Variants in WDR64 observed in about 807,000 individuals in gnomAD.
The protein encoded by WDR64 is WD repeat-containing protein 64.
A neutral mutation model predicts 139.3 loss-of-function variants in WDR64; 112 were observed. The observed-to-expected ratio is 0.80, with a 90% CI of 0.69 to 0.94. The LOEUF (loss-of-function observed/expected upper bound fraction) is 0.94, where lower values mean the gene tolerates loss of function less well. Ranked by LOEUF, WDR64 falls within the 40% of genes least tolerant of loss-of-function variation. The pLI is 0.00. For missense variants in WDR64, 1,206 were observed against 1,293.1 expected, an observed-to-expected ratio of 0.93 and a Z score of 1.03; for synonymous variants, 444 against 437.7, an observed-to-expected ratio of 1.01 and a Z score of -0.18.
chr1:241,787,430 C>T (rs371214390), intron 23 of WDR64, among the ~76,000 whole-genome samples: 127 of 151,322 alleles, frequency 8.4e-4, no homozygotes, highest in African/African-American at 3.0e-3. Context: ...TTTGGGAGGC[C>T]AAGGCGGGCA....
chr1:241,669,812 T>C (rs1666154342), intron 2 of WDR64, among the ~76,000 whole-genome samples: 1 of 152,212 alleles, frequency 6.6e-6, no homozygotes, highest in Admixed American at 6.5e-5. Flanking sequence ...CTGGTTTTGA[T>C]TTATTTCCAG....
intron 9 of WDR64, among the ~76,000 whole-genome samples, chr1:241,714,005 G>T (rs1668303360): frequency 6.6e-6 from 1 of 152,192 alleles, no homozygotes; most frequent in Non-Finnish European, 1.5e-5. Context: ...AAGCTCAATT[G>T]TGAACTTAAA....
At chr1:241,657,309 T>TTGC (rs1665644735) in intron 1 of WDR64, among the ~76,000 whole-genome samples, 1 of 152,154 alleles carries the variant, frequency 6.6e-6, no homozygotes, top group Non-Finnish European at 1.5e-5. Context: ...TCTGGCCTCC[T>TTGC]AGCAGCAGCA....
chr1:241,765,296 T>C (rs189715223), intron 15 of WDR64, among the ~76,000 whole-genome samples: 11 of 152,234 alleles, frequency 7.2e-5, no homozygotes, highest in Admixed American at 3.3e-4. Context: ...TATATAAGCC[T>C]GAAGCTTGTA....
chr1:241,774,785 G>A (rs531378480), intron 20 of WDR64, among the ~76,000 whole-genome samples: 7 of 152,154 alleles, frequency 4.6e-5, no homozygotes, highest in South Asian at 2.1e-4. Flanking sequence ...ATATGTAATC[G>A]GAAAGAAAGT....
intron 14 of WDR64, among the ~76,000 whole-genome samples, chr1:241,756,489 T>C (rs1670197548): frequency 6.6e-6 from 1 of 152,198 alleles, no homozygotes; most frequent in African/African-American, 2.4e-5. Context: ...TAGAATCGTG[T>C]CATCTGCAAA....
At chr1:241,657,703 C>T (rs934750917) in intron 1 of WDR64, among the ~76,000 whole-genome samples, 1 of 152,186 alleles carries the variant, frequency 6.6e-6, no homozygotes, top group African/African-American at 2.4e-5. Context: ...ACAATTTTAT[C>T]ACAGCTCCCT....
chr1:241,759,747 A>G (rs1670354540), intron 15 of WDR64, among the ~76,000 whole-genome samples: 1 of 152,118 alleles, frequency 6.6e-6, no homozygotes, highest in African/African-American at 2.4e-5. Context: ...TTTACCACTT[A>G]GACTATTTTT....
intron 22 of WDR64, among the ~76,000 whole-genome samples, chr1:241,781,604 C>T (rs1384272353): frequency 1.9e-5 from 2 of 103,668 alleles, no homozygotes; most frequent in Admixed American, 8.6e-5. Flanking sequence ...AAAGATAAGT[C>T]GAAACCTCTC....
intron 17 of WDR64, 77 bp downstream of exon 17, chr1:241,769,582 T>C (rs751202817): frequency 8.0e-5 from 101 of 1,264,670 alleles, no homozygotes; most frequent in Admixed American, 1.9e-4. Flanking sequence ...GCAAAATTAA[T>C]TGTGGTTTTT....
intron 11 of WDR64, among the ~76,000 whole-genome samples, chr1:241,740,707 G>A (rs904321820): frequency 4.7e-5 from 7 of 150,248 alleles, no homozygotes; most frequent in East Asian, 2.0e-4. Context: ...TCGCTCTGTC[G>A]CCCAGGCTAG....
chr1:241,722,008 C>G (rs1488598242), intron 9 of WDR64, among the ~76,000 whole-genome samples: 4 of 141,612 alleles, frequency 2.8e-5, no homozygotes, highest in Non-Finnish European at 6.1e-5. Flanking sequence ...GAAAATGCAG[C>G]CAGTTTTTTC....
intron 9 of WDR64, among the ~76,000 whole-genome samples, chr1:241,716,151 C>A (rs1473483611): frequency 1.3e-5 from 2 of 152,072 alleles, no homozygotes; most frequent in Non-Finnish European, 2.9e-5. Flanking sequence ...CTCAGCCAAG[C>A]ACCATTGCTA....
intron 1 of WDR64, among the ~76,000 whole-genome samples, chr1:241,654,486 C>G (rs1665496600): frequency 6.6e-6 from 1 of 152,218 alleles, no homozygotes; most frequent in Non-Finnish European, 1.5e-5. Flanking sequence ...TAGATTAACA[C>G]TGTTAGCTGC....
At chr1:241,755,523 G>A (rs1187831606) in intron 14 of WDR64, among the ~76,000 whole-genome samples, 3 of 152,148 alleles carry the variant, frequency 2.0e-5, no homozygotes, top group Non-Finnish European at 4.4e-5. Flanking sequence ...TGTTCACTCT[G>A]ATGATAGTTT....
intron 8 of WDR64, among the ~76,000 whole-genome samples, chr1:241,704,363 T>G (rs1428350402): frequency 6.6e-6 from 1 of 152,230 alleles, no homozygotes; most frequent in Non-Finnish European, 1.5e-5. Context: ...AATATTATCA[T>G]GATAGATTTC....
At chr1:241,680,182 G>T (rs1471647628) in intron 6 of WDR64, among the ~76,000 whole-genome samples, 1 of 152,120 alleles carries the variant, frequency 6.6e-6, no homozygotes. Context: ...GGGGACTCAG[G>T]GAGGGTGAGA....
intron 6 of WDR64, among the ~76,000 whole-genome samples, chr1:241,680,106 T>G (rs12069748): frequency 0.6 from 91,887 of 151,918 alleles, 29,313 homozygotes; most frequent in Non-Finnish European, 0.72. Flanking sequence ...CAAAACTCAG[T>G]CTTGAAGTTC....
At chr1:241,685,405 T>A (rs1238455182) in intron 7 of WDR64, among the ~76,000 whole-genome samples, 2 of 151,926 alleles carry the variant, frequency 1.3e-5, no homozygotes, top group Non-Finnish European at 2.9e-5. Flanking sequence ...ATTAATTTTT[T>A]ATGTATATAT....
Sources: gnomAD v4.1 joint callset for allele counts (sites outside exome capture counted in the v4.1 genomes callset) on GRCh38, gnomAD v4.1.1 for gene constraint, MANE v1.5 for transcripts, NCBI Gene and HGNC (gene_info 2026-07-23, HGNC 2026-07-21) for gene names.